Variants in SLC30A5 observed in about 807,000 individuals in gnomAD.
SLC30A5 encodes the protein proton-coupled zinc antiporter SLC30A5.
SLC30A5 carries 33 observed loss-of-function variants against 79.6 expected under a neutral mutation model. That is an observed-to-expected ratio of 0.41 (90% CI 0.31 to 0.55). SLC30A5 has a LOEUF of 0.55. SLC30A5 is among the 20% of genes least tolerant of loss of function. SLC30A5 has a pLI of 0.20. For synonymous variants in SLC30A5, 299 were observed against 319.7 expected, an observed-to-expected ratio of 0.94 and a Z score of 0.69; for missense variants, 788 against 928.1, an observed-to-expected ratio of 0.85 and a Z score of 1.96.
intron 6 of SLC30A5, among the ~76,000 whole-genome samples, chr5:69,113,996 A>T (rs1274572377): frequency 6.6e-6 from 1 of 152,196 alleles, no homozygotes; most frequent in Admixed American, 6.5e-5. Flanking sequence ...GACTTAGAAG[A>T]CAGATTTAGG....
At chr5:69,102,200 C>T (rs866389542) in intron 2 of SLC30A5, among the ~76,000 whole-genome samples, 36 of 150,884 alleles carry the variant, frequency 2.4e-4, no homozygotes, top group African/African-American at 8.5e-4. Flanking sequence ...ACAGGTGTGT[C>T]CCACCATGGC....
At chr5:69,120,174 G>A (rs921743324) in intron 12 of SLC30A5, among the ~76,000 whole-genome samples, 1 of 151,640 alleles carries the variant, frequency 6.6e-6, no homozygotes, top group African/African-American at 2.4e-5. Flanking sequence ...AAAAGAATGA[G>A]ATATATCTGT....
chr5:69,123,346 T>C lies in SLC30A5; in HGVS notation c.1919T>C (p.Leu640Pro). Residue 640 changes from leucine to proline, a missense_variant, in exon 14 of 16, where the codon CTG becomes CCG. Leu to Pro is a moderately conservative substitution (Grantham distance 98, BLOSUM62 -3). Coordinates refer to ENST00000396591, the MANE Select transcript of SLC30A5 (RefSeq NM_022902.5). ...TTAATATTTCTCAGTGTTGTTCCAC[T>C]GATTAAAGATGCCTGCCAGGTTCTA... ...AILIFLSVVPLIKDACQVLLL... is the reference protein window; with the variant it reads ...AILIFLSVVPPIKDACQVLLL... 8 of 1,614,076 alleles carry C rather than the reference T, an allele frequency of 5.0e-6. No individual in the cohort carries two copies. The highest frequency in any genetic ancestry group is 6.8e-6 in the Non-Finnish European group (8 of 1,179,966).
intron 1 of SLC30A5, among the ~76,000 whole-genome samples, chr5:69,096,563 C>T (rs182051193): frequency 7.9e-5 from 12 of 152,164 alleles, no homozygotes; most frequent in Admixed American, 1.3e-4. Context: ...AGGTCCTGGA[C>T]GGAAAATGTG....
intron 14 of SLC30A5, among the ~76,000 whole-genome samples, chr5:69,127,473 CAAAAAAAAAAA>C (rs70989993): frequency 2.6e-5 from 2 of 77,888 alleles, no homozygotes; most frequent in African/African-American, 3.8e-5. Flanking sequence ...TACTAAAATA[CAAAAAAAAAAA>C]AAAAAAAAAA....
chr5:69,109,576 C>G (rs1746175358), intron 5 of SLC30A5, among the ~76,000 whole-genome samples: 1 of 152,108 alleles, frequency 6.6e-6, no homozygotes, highest in Non-Finnish European at 1.5e-5. Context: ...GCACCTTTCC[C>G]CCAAACCCCC....
chr5:69,104,093 G>C, intron 3 of SLC30A5: 1 of 1,495,488 alleles, frequency 6.7e-7, no homozygotes, highest in Non-Finnish European at 9.0e-7. Context: ...AAATCTACCA[G>C]CAGACAAGAA....
rs751103149 is a variant in SLC30A5, at chr5:69,115,271, G to A, written c.647G>A (p.Cys216Tyr). The change falls in exon 8 of 16, where the codon TGT (cysteine) becomes TAT (tyrosine). Residue 216 changes from cysteine (C) to tyrosine (Y), a missense_variant. This residue lies in a region of SLC30A5 where 626 missense variants were observed against 755.5 expected (regional missense o/e 0.83). Transcript: ENST00000396591. Reference sequence around the variant, plus strand: ...TTATTGCTAGTACTGGCTTTGTGTTGTAAAGTTGGTTTTCATACAGCTTCC... The same window carrying A: ...TTATTGCTAGTACTGGCTTTGTGTTATAAAGTTGGTTTTCATACAGCTTCC... ...GVLLLVLALCCKVGFHTASRK... is the reference protein window; with the variant it reads ...GVLLLVLALCYKVGFHTASRK... The A allele has an allele frequency of 9.9e-6, 16 of 1,611,768 alleles. No individual in the cohort carries two copies. In the Admixed American group the frequency reaches 2.3e-4, roughly 24 times the overall value.
At chr5:69,125,870 C>CAAAAAAAAAAAAAAAAAAAAAAAAAA (rs532994254) in intron 14 of SLC30A5, among the ~76,000 whole-genome samples, 34 of 54,196 alleles carry the variant, frequency 6.3e-4, no homozygotes, top group Middle Eastern at 0.01. Context: ...GACTCCGTCT[C>CAAAAAAAAAAAAAAAAAAAAAAAAAA]AAAAAAAAAA....
At chr5:69,122,729 A>G (rs574094791) in intron 13 of SLC30A5, among the ~76,000 whole-genome samples, 12 of 152,234 alleles carry the variant, frequency 7.9e-5, no homozygotes, top group Non-Finnish European at 1.2e-4. Context: ...AGTCCTTTTC[A>G]TAGTGACAGC....
At chr5:69,105,597 G>T (rs1210681118) in intron 4 of SLC30A5, among the ~76,000 whole-genome samples, 2 of 152,110 alleles carry the variant, frequency 1.3e-5, no homozygotes, top group East Asian at 3.9e-4. Flanking sequence ...GGCGAAGGTT[G>T]CAGTGAGCCG....
intron 1 of SLC30A5, among the ~76,000 whole-genome samples, chr5:69,095,924 T>C (rs1745715455): frequency 6.9e-6 from 1 of 144,604 alleles, no homozygotes; most frequent in South Asian, 2.2e-4. Flanking sequence ...AAAAAAAAAT[T>C]AGTTGGACGT....
intron 4 of SLC30A5, among the ~76,000 whole-genome samples, chr5:69,107,847 C>T (rs1017438393): frequency 6.6e-6 from 1 of 152,052 alleles, no homozygotes; most frequent in African/African-American, 2.4e-5. Flanking sequence ...ATTCTCCTGC[C>T]TCAGCCTCCC....
In SLC30A5 at chr5:69,094,198, G is replaced by A. The variant is rs1254226762; in HGVS notation, c.-58G>A. The A allele has an allele frequency of 8.9e-6, 8 of 903,164 alleles. No individual in the cohort carries two copies. The highest frequency in any genetic ancestry group is 1.2e-5 in the Non-Finnish European group (8 of 672,798). The allele number at this position is 903,164 out of a possible 1,614,324, so 55.9% of individuals were successfully genotyped here. ...CCTGCACCCGCTGTTCCGCGGCAGC[G>A]GCGAGACATGAGGAGACCCCGCGAC... is the stretch of plus-strand genomic sequence containing the variant. On this transcript the variant is annotated 5_prime_UTR_variant, in exon 1 of 16. Coordinates refer to ENST00000396591, the MANE Select transcript of SLC30A5 (RefSeq NM_022902.5).
Position 69,129,528 on chromosome 5 carries a change from G to A in SLC30A5, c.2209G>A (p.Gly737Ser). ...GGAGGCATACTTTCAACATATGTCT[G>A]GCCTAAGTACTGGATTTCATGATGT... Reference protein sequence around the residue: ...EKEAYFQHMSGLSTGFHDVLA... With the variant: ...EKEAYFQHMSSLSTGFHDVLA... The change falls in exon 16 of 16, where the codon GGC becomes AGC. Residue 737 changes from glycine to serine, a missense_variant. This residue lies in a region of SLC30A5 where 158 missense variants were observed against 156.2 expected (regional missense o/e 1.01). Coordinates refer to ENST00000396591, the MANE Select transcript of SLC30A5 (RefSeq NM_022902.5). The A allele has an allele frequency of 6.2e-7, 1 of 1,613,502 alleles. No individual in the cohort carries two copies. Among genetic ancestry groups the A allele is most frequent in the Non-Finnish European group, 8.5e-7 (1 of 1,179,720 alleles).
At position 69,123,334 on chromosome 5, in the gene SLC30A5, G is replaced by C; in HGVS notation, c.1907G>C (p.Ser636Thr). Reference sequence around the variant, plus strand: ...TTTATTGCTATATTAATATTTCTCAGTGTTGTTCCACTGATTAAAGATGCC... The same window carrying C: ...TTTATTGCTATATTAATATTTCTCACTGTTGTTCCACTGATTAAAGATGCC... ...SLFIAILIFL[S>T]VVPLIKDACQ... Residue 636 changes from serine to threonine, a missense_variant, in exon 14 of 16, where the codon AGT becomes ACT. Ser to Thr is a moderately conservative substitution (Grantham distance 58). Transcript: ENST00000396591. 2 of 1,613,974 alleles carry C rather than the reference G, an allele frequency of 1.2e-6. No individual in the cohort carries two copies. Among genetic ancestry groups the C allele is most frequent in the Non-Finnish European group, 1.7e-6 (2 of 1,179,942 alleles).
Position 69,115,375 on chromosome 5 carries a change from C to A in SLC30A5, c.751C>A (p.Pro251Thr). 6.2e-7 allele frequency: 1 copy of A among 1,613,690 alleles called. No homozygotes were observed. The highest frequency in any genetic ancestry group is 8.5e-7 in the Non-Finnish European group (1 of 1,179,790). The part of the protein sequence containing the change: ...SHLVSVLLLC[P>T]WVIVLSVTTE... ...TCTTGTTTCTGTGCTTCTCTTGTGCCCATGGGTCATTGTTCTTTCTGTGAC... is the reference window on the plus strand; with the variant it reads ...TCTTGTTTCTGTGCTTCTCTTGTGCACATGGGTCATTGTTCTTTCTGTGAC... Residue 251 changes from proline (P) to threonine (T), a missense_variant, in exon 8 of 16, where the codon CCA (proline) becomes ACA (threonine). By Grantham distance (38) the Pro-to-Thr change is conservative (BLOSUM62 -1). Transcript: ENST00000396591.
At chr5:69,117,476 C>G in intron 11 of SLC30A5, 80 bp downstream of exon 11, 1 of 1,165,256 alleles carries the variant, frequency 8.6e-7, no homozygotes, top group South Asian at 1.6e-5. Flanking sequence ...ACTTATATTA[C>G]TTTTAATACA....
Position 69,124,775 on chromosome 5 carries a change from G to A in SLC30A5, c.1998+1350G>A, listed in dbSNP as rs375949986. On this transcript the variant is annotated intron_variant, in intron 14 of 15. Coordinates refer to ENST00000396591, the MANE Select transcript of SLC30A5 (RefSeq NM_022902.5). The stretch of plus-strand genomic sequence containing the variant: ...AGTAGAGATGGGGTTTCGCCATGTT[G>A]GCCAGGCTGGTCTTGAACTCCTGAC... 1.6e-3 allele frequency among the ~76,000 whole-genome samples: 249 copies of A among 152,182 alleles called. 1 individual carries two copies. The highest frequency in any genetic ancestry group is 5.8e-3 in the African/African-American group (240 of 41,516).
Sources: allele counts gnomAD v4.1 joint callset (sites outside exome capture counted in the v4.1 genomes callset), GRCh38; gene constraint gnomAD v4.1.1; regional missense constraint gnomAD v4.1.1; transcripts MANE v1.5; gene names NCBI Gene and HGNC (gene_info 2026-07-23, HGNC 2026-07-21).